Variants in EXOC6B observed in about 807,000 individuals in gnomAD.
EXOC6B encodes the protein exocyst complex component 6B.
EXOC6B carries 54 observed loss-of-function variants against 113.5 expected under a neutral mutation model. That is an observed-to-expected ratio of 0.48 (90% CI 0.38 to 0.60). EXOC6B has a LOEUF of 0.60. EXOC6B is among the 20% of genes least tolerant of loss of function. The pLI is 0.00. For synonymous variants in EXOC6B, 357 were observed against 339.0 expected, an observed-to-expected ratio of 1.05 and a Z score of -0.58; for missense variants, 797 against 977.5, an observed-to-expected ratio of 0.82 and a Z score of 2.46.
At chr2:72,750,117 A>G (rs771440498) in intron 1 of EXOC6B, among the ~76,000 whole-genome samples, 8 of 151,740 alleles carry the variant, frequency 5.3e-5, no homozygotes, top group Non-Finnish European at 1.2e-4. Flanking sequence ...AAAGAACCAG[A>G]CCTAACAACA....
chr2:72,714,427 G>A (rs1679472385), intron 6 of EXOC6B, among the ~76,000 whole-genome samples: 1 of 152,194 alleles, frequency 6.6e-6, no homozygotes, highest in African/African-American at 2.4e-5. Context: ...TGAATAAAGA[G>A]TAAGAGTTAT....
chr2:72,793,692 G>A (rs1684799732), intron 1 of EXOC6B, among the ~76,000 whole-genome samples: 1 of 152,148 alleles, frequency 6.6e-6, no homozygotes, highest in African/African-American at 2.4e-5. Context: ...AGGTTAGCGA[G>A]GTACATAGGT....
intron 8 of EXOC6B, among the ~76,000 whole-genome samples, chr2:72,516,497 T>A (rs1231740125): frequency 1.3e-5 from 2 of 152,274 alleles, no homozygotes; most frequent in Non-Finnish European, 2.9e-5. Context: ...CCACCTGGCC[T>A]CCCAAAGTGC....
At chr2:72,485,058 T>C (rs568295113) in intron 16 of EXOC6B, among the ~76,000 whole-genome samples, 3 of 152,336 alleles carry the variant, frequency 2.0e-5, no homozygotes, top group African/African-American at 7.2e-5. Context: ...TCTTCCACAA[T>C]GGGTGAACTA....
At chr2:72,601,112 ATG>A (rs1301404255) in intron 6 of EXOC6B, among the ~76,000 whole-genome samples, 4 of 141,564 alleles carry the variant, frequency 2.8e-5, no homozygotes, top group Admixed American at 7.3e-5. Context: ...ATATATATAT[ATG>A]TGTGTGTGTA....
intron 16 of EXOC6B, among the ~76,000 whole-genome samples, chr2:72,483,713 C>G (rs558228295): frequency 1.4e-3 from 219 of 152,318 alleles, no homozygotes; most frequent in African/African-American, 5.1e-3. Context: ...TGAATGACAG[C>G]TACCAAAATC....
rs185627906 is a variant in EXOC6B at position 72,365,881 on chromosome 2, T to G, written c.2122+13848A>C. 4.6e-3 allele frequency among the ~76,000 whole-genome samples: 705 copies of G among 152,228 alleles called. 9 individuals carry two copies. Among genetic ancestry groups the G allele is most frequent in the Non-Finnish European group, 4.4e-3 (299 of 68,010 alleles). On this transcript the variant is annotated intron_variant, in intron 19 of 21. Coordinates refer to ENST00000272427, the MANE Select transcript of EXOC6B (RefSeq NM_015189.3). ...TCTCCCAAGGGTACTGCTTTAGAAC[T>G]GGTGACAAATTAGACCTAGACAAAA...
intron 8 of EXOC6B, among the ~76,000 whole-genome samples, chr2:72,554,184 T>C (rs866779923): frequency 6.6e-6 from 1 of 152,108 alleles, no homozygotes; most frequent in African/African-American, 2.4e-5. Flanking sequence ...GCCAACACCA[T>C]AGACATCTCA....
intron 1 of EXOC6B, among the ~76,000 whole-genome samples, chr2:72,744,367 G>A (rs913092248): frequency 1.3e-5 from 2 of 152,184 alleles, no homozygotes; most frequent in African/African-American, 4.8e-5. Flanking sequence ...AAGGGAGATT[G>A]TCAAATAAAT....
intron 18 of EXOC6B, among the ~76,000 whole-genome samples, chr2:72,447,578 G>C (rs1462313463): frequency 6.6e-6 from 1 of 152,064 alleles, no homozygotes; most frequent in African/African-American, 2.4e-5. Flanking sequence ...CATTAGGTGT[G>C]GCTAGACTAA....
At chr2:72,362,935 T>G (rs1690409633) in intron 19 of EXOC6B, among the ~76,000 whole-genome samples, 1 of 152,074 alleles carries the variant, frequency 6.6e-6, no homozygotes, top group South Asian at 2.1e-4. Context: ...ACTTCCTCAT[T>G]TTGAATATGC....
At chr2:72,389,787 T>C (rs1046443232) in intron 18 of EXOC6B, among the ~76,000 whole-genome samples, 9 of 152,182 alleles carry the variant, frequency 5.9e-5, no homozygotes, top group African/African-American at 2.2e-4. Context: ...GTACTATGTA[T>C]TTTTTCCCTA....
chr2:72,710,517 C>G (rs1378326428), intron 6 of EXOC6B, among the ~76,000 whole-genome samples: 1 of 152,064 alleles, frequency 6.6e-6, no homozygotes, highest in Non-Finnish European at 1.5e-5. Context: ...ATACAAATAT[C>G]AAAATCAAGA....
chr2:72,652,853 G>A (rs1674293198), intron 6 of EXOC6B, among the ~76,000 whole-genome samples: 2 of 149,300 alleles, frequency 1.3e-5, no homozygotes, highest in South Asian at 4.2e-4. Flanking sequence ...AAAGAAAAAA[G>A]GAAAAATTAG....
intron 13 of EXOC6B, among the ~76,000 whole-genome samples, chr2:72,498,031 A>C (rs1700127509): frequency 6.6e-6 from 1 of 152,192 alleles, no homozygotes. Context: ...GAGTCATCCA[A>C]ACAGATTTTC....
In EXOC6B at chr2:72,751,695, A is replaced by G. The variant is rs553798965; in HGVS notation, c.114-10226T>C. 3.3e-5 allele frequency among the ~76,000 whole-genome samples: 5 copies of G among 152,300 alleles called. No homozygotes were observed. In the South Asian group the frequency reaches 8.3e-4, roughly 25 times the overall value. ...AGGAAAATACTTAACTAGGAGGTGT[A>G]TATATAAACAGTACAAAATGCAGAA... On this transcript the variant is annotated intron_variant, in intron 1 of 21. Transcript: ENST00000272427.
chr2:72,441,244 A>G (rs1696182177), intron 18 of EXOC6B, among the ~76,000 whole-genome samples: 2 of 152,214 alleles, frequency 1.3e-5, no homozygotes, highest in African/African-American at 4.8e-5. Context: ...TGGCTAAGGC[A>G]GTGTTAGGTG....
At chr2:72,545,394 A>C (rs1348237222) in intron 8 of EXOC6B, among the ~76,000 whole-genome samples, 2 of 152,150 alleles carry the variant, frequency 1.3e-5, no homozygotes, top group Non-Finnish European at 2.9e-5. Context: ...AATACACCCA[A>C]TCCTTCAGAT....
At chr2:72,680,750 G>C (rs1237372571) in intron 6 of EXOC6B, among the ~76,000 whole-genome samples, 5 of 150,048 alleles carry the variant, frequency 3.3e-5, no homozygotes, top group Non-Finnish European at 7.4e-5. Flanking sequence ...AAAAAAAAAA[G>C]AAAAAAAAGG....
Sources: gnomAD v4.1 joint callset for allele counts (sites outside exome capture counted in the v4.1 genomes callset) on GRCh38, gnomAD v4.1.1 for gene constraint, MANE v1.5 for transcripts, NCBI Gene and HGNC (gene_info 2026-07-23, HGNC 2026-07-21) for gene names.